Variants in PTPRD observed in about 807,000 individuals in gnomAD.
PTPRD encodes the protein protein tyrosine phosphatase receptor type D.
PTPRD carries 34 observed loss-of-function variants against 214.5 expected under a neutral mutation model. The observed-to-expected ratio is 0.16, with a 90% CI of 0.12 to 0.21. The LOEUF (loss-of-function observed/expected upper bound fraction) is 0.21, where lower values mean the gene tolerates loss of function less well. Ranked by LOEUF, PTPRD falls within the 10% of genes least tolerant of loss-of-function variation. The pLI is 1.00. For synonymous variants in PTPRD, 1,128 were observed against 845.7 expected (o/e 1.33, Z -5.79); for missense variants, 2,545 against 2,398.7 (o/e 1.06, Z -1.27).
At chr9:10,579,842 T>C (rs897745813) in intron 2 of PTPRD, among the ~76,000 whole-genome samples, 1 of 152,200 alleles carries the variant, frequency 6.6e-6, no homozygotes, top group African/African-American at 2.4e-5. Context: ...GATTTGAATT[T>C]TTCTGGTGAT....
intron 11 of PTPRD, among the ~76,000 whole-genome samples, chr9:8,794,860 A>G (rs1038130505): frequency 1.4e-5 from 2 of 147,368 alleles, no homozygotes; most frequent in Non-Finnish European, 3.0e-5. Context: ...TATGATCATG[A>G]AAAAAAAAAA....
At chr9:8,466,764 G>A (rs1157892298) in intron 31 of PTPRD, among the ~76,000 whole-genome samples, 1 of 151,824 alleles carries the variant, frequency 6.6e-6, no homozygotes, top group Non-Finnish European at 1.5e-5. Context: ...AATGAACCTT[G>A]TCTTCACCTT....
intron 4 of PTPRD, among the ~76,000 whole-genome samples, chr9:9,977,547 AT>A (rs1488335095): frequency 1.3e-5 from 2 of 152,160 alleles, no homozygotes; most frequent in Non-Finnish European, 2.9e-5. Context: ...GAGGTAAGTG[AT>A]TTTTAAGGGG....
At chr9:9,408,420 C>T (rs1376089613) in intron 8 of PTPRD, among the ~76,000 whole-genome samples, 1 of 151,650 alleles carries the variant, frequency 6.6e-6, no homozygotes, top group Middle Eastern at 3.2e-3. Flanking sequence ...ATGTATGTGC[C>T]ATGTTTACAA....
chr9:8,796,644 T>C (rs908174678), intron 11 of PTPRD, among the ~76,000 whole-genome samples: 1 of 152,190 alleles, frequency 6.6e-6, no homozygotes, highest in Non-Finnish European at 1.5e-5. Context: ...CAAATCATCA[T>C]GTGCCTGATA....
chr9:9,200,127 T>C lies in PTPRD; in HGVS notation c.-202-16764A>G, dbSNP rs1413098461. On this transcript the variant is annotated intron_variant, in intron 9 of 45. Transcript: ENST00000381196. ...CGAGGAAATAAGTTGCCTCTGCTCC[T>C]ACTGGGAGCCATTTGGTGACCATGA... 7.9e-5 allele frequency among the ~76,000 whole-genome samples: 12 copies of C among 152,328 alleles called. No individual in the cohort carries two copies. In the East Asian group the frequency reaches 1.9e-3, roughly 25 times the overall value.
At chr9:10,351,778 T>C (rs1031864915) in intron 2 of PTPRD, among the ~76,000 whole-genome samples, 5 of 151,752 alleles carry the variant, frequency 3.3e-5, no homozygotes, top group Non-Finnish European at 7.4e-5. Context: ...TTTTGAGGAA[T>C]GAAAATTTGA....
At chr9:9,078,987 T>C (rs1463369163) in intron 10 of PTPRD, among the ~76,000 whole-genome samples, 2 of 152,058 alleles carry the variant, frequency 1.3e-5, no homozygotes, top group Admixed American at 6.6e-5. Context: ...TCAATACTCA[T>C]GATGTATAGT....
rs12341997 is a variant in PTPRD at position 8,683,334 on chromosome 9, T to A, written c.65-46490A>T. 3.8e-3 allele frequency among the ~76,000 whole-genome samples: 574 copies of A among 151,834 alleles called. 3 individuals carry two copies. Among genetic ancestry groups the A allele is most frequent in the African/African-American group, 0.013 (543 of 41,270 alleles). ...AAAAGTTAAGCTTCTTTGAAAAATG[T>A]TAATTCATAACTTGGATAAGCCTCT... On this transcript the variant is annotated intron_variant, in intron 12 of 45. Transcript: ENST00000381196.
rs144969101 is a variant in PTPRD at position 10,072,658 on chromosome 9, C to T, written c.-544-38868G>A. 2.4e-3 allele frequency among the ~76,000 whole-genome samples: 360 copies of T among 152,162 alleles called. 4 individuals carry two copies. The highest frequency in any genetic ancestry group is 0.021 in the Admixed American group (314 of 15,260). Reference sequence around the variant, plus strand: ...CCCTGCAATTGACTGCTTTTAGGATCGTGCTTATTGTTGCATTTTACAGAG... The same window carrying T: ...CCCTGCAATTGACTGCTTTTAGGATTGTGCTTATTGTTGCATTTTACAGAG... On this transcript the variant is annotated intron_variant, in intron 3 of 45. Transcript: ENST00000381196.
chr9:9,548,246 A>G (rs1440209440), intron 8 of PTPRD, among the ~76,000 whole-genome samples: 3 of 151,992 alleles, frequency 2.0e-5, no homozygotes, highest in African/African-American at 7.2e-5. Flanking sequence ...AATAGAAGAT[A>G]AATAGCAAGA....
At chr9:10,321,419 C>T (rs1473541956) in intron 3 of PTPRD, among the ~76,000 whole-genome samples, 1 of 151,808 alleles carries the variant, frequency 6.6e-6, no homozygotes, top group East Asian at 2.0e-4. Context: ...AAACAGAAAA[C>T]AGAATTATAA....
intron 7 of PTPRD, among the ~76,000 whole-genome samples, chr9:9,630,572 T>C (rs1401071288): frequency 6.6e-6 from 1 of 152,180 alleles, no homozygotes; most frequent in Non-Finnish European, 1.5e-5. Context: ...TTAACCAAAA[T>C]TGGTGACAAT....
chr9:8,344,559 A>AT (rs372991435), intron 39 of PTPRD, among the ~76,000 whole-genome samples: 4 of 151,866 alleles, frequency 2.6e-5, no homozygotes, highest in Admixed American at 2.0e-4. Flanking sequence ...AACAAAACCT[A>AT]TTTTTTCCCC....
intron 11 of PTPRD, among the ~76,000 whole-genome samples, chr9:8,826,708 C>T (rs370130217): frequency 7.9e-5 from 12 of 150,992 alleles, no homozygotes; most frequent in South Asian, 4.2e-4. Context: ...TCCTGCTGGA[C>T]GGTAAGCCCC....
chr9:9,733,036 C>T (rs1216775663), intron 7 of PTPRD, among the ~76,000 whole-genome samples: 3 of 152,092 alleles, frequency 2.0e-5, no homozygotes, highest in African/African-American at 7.2e-5. Context: ...TTTCTATTTA[C>T]CACTCTCCAA....
intron 3 of PTPRD, among the ~76,000 whole-genome samples, chr9:10,264,163 G>A (rs937474087): frequency 2.0e-5 from 3 of 152,196 alleles, no homozygotes; most frequent in African/African-American, 7.2e-5. Flanking sequence ...CCTCTGCTAG[G>A]ACAGTGTGGA....
chr9:8,690,379 T>C (rs2097777916), intron 12 of PTPRD, among the ~76,000 whole-genome samples: 1 of 151,546 alleles, frequency 6.6e-6, no homozygotes, highest in Admixed American at 6.6e-5. Flanking sequence ...TATAAAAAAT[T>C]AGCCGGGCAT....
intron 8 of PTPRD, among the ~76,000 whole-genome samples, chr9:9,517,855 A>T (rs1250445687): frequency 6.6e-6 from 1 of 152,070 alleles, no homozygotes; most frequent in African/African-American, 2.4e-5. Context: ...CAAGTTATAG[A>T]AAGATTTACT....
Sources: allele counts gnomAD v4.1 joint callset (sites outside exome capture counted in the v4.1 genomes callset), GRCh38; gene constraint gnomAD v4.1.1; transcripts MANE v1.5; gene names NCBI Gene and HGNC (gene_info 2026-07-23, HGNC 2026-07-21).